Variants in STK32B observed in about 807,000 individuals in gnomAD.
The protein encoded by STK32B is serine/threonine kinase 32B.
STK32B carries 43 observed loss-of-function variants against 52.6 expected under a neutral mutation model. The ratio of observed to expected loss-of-function variants is 0.82; its 90% CI spans 0.64 to 1.05. The LOEUF (loss-of-function observed/expected upper bound fraction) is 1.05, where lower values mean the gene tolerates loss of function less well. STK32B is among the 50% of genes least tolerant of loss of function. The pLI, the probability that STK32B is intolerant of heterozygous loss-of-function variation, is 0.00. For synonymous variants in STK32B, 238 were observed against 204.3 expected (o/e 1.17, Z -1.41); for missense variants, 621 against 534.6 (o/e 1.16, Z -1.59).
chr4:5,044,934 A>G, the STK32B span, among the ~76,000 whole-genome samples: 2 of 152,102 alleles, frequency 1.3e-5, no homozygotes, highest in African/African-American at 4.8e-5. Context: ...CCAAAAAACC[A>G]AAAGCCCAAA....
intron 1 of STK32B, among the ~76,000 whole-genome samples, chr4:5,066,527 A>G (rs551416364): frequency 6.6e-6 from 1 of 152,322 alleles, no homozygotes; most frequent in South Asian, 2.1e-4. Flanking sequence ...ATAACCTGTA[A>G]TACATCCTTC....
chr4:5,185,534 A>C (rs1720677593), intron 3 of STK32B, among the ~76,000 whole-genome samples: 1 of 152,240 alleles, frequency 6.6e-6, no homozygotes, highest in Admixed American at 6.5e-5. Context: ...AGTGGAGGGC[A>C]GGGAAAGGGA....
intron 3 of STK32B, among the ~76,000 whole-genome samples, chr4:5,246,742 C>G (rs56847768): frequency 6.6e-6 from 1 of 152,042 alleles, no homozygotes; most frequent in African/African-American, 2.4e-5. Flanking sequence ...GACATACATA[C>G]GGGTTTTTGG....
intron 3 of STK32B, among the ~76,000 whole-genome samples, chr4:5,326,041 C>T (rs1361672407): frequency 6.6e-6 from 1 of 152,140 alleles, no homozygotes; most frequent in Non-Finnish European, 1.5e-5. Context: ...AAATATTGTT[C>T]TCTTAGCATT....
At chr4:5,170,019 A>G (rs994846732) in intron 3 of STK32B, among the ~76,000 whole-genome samples, 3 of 152,214 alleles carry the variant, frequency 2.0e-5, no homozygotes, top group Non-Finnish European at 4.4e-5. Context: ...TGTTACTGCA[A>G]ACTCTTTGTA....
At chr4:5,410,971 C>T (rs772903615) in intron 5 of STK32B, among the ~76,000 whole-genome samples, 26 of 151,814 alleles carry the variant, frequency 1.7e-4, no homozygotes, top group East Asian at 3.9e-4. Flanking sequence ...AAGATCAAAA[C>T]GGTGAATGCA....
At chr4:5,065,048 G>T (rs1400635220) in intron 1 of STK32B, among the ~76,000 whole-genome samples, 1 of 151,654 alleles carries the variant, frequency 6.6e-6, no homozygotes, top group Non-Finnish European at 1.5e-5. Context: ...TTGCAACGAA[G>T]CCTGGAGTTC....
chr4:5,250,435 C>T (rs1157959140), intron 3 of STK32B, among the ~76,000 whole-genome samples: 6 of 151,496 alleles, frequency 4.0e-5, no homozygotes, highest in Admixed American at 1.3e-4. Context: ...ACCTCAGCCT[C>T]CTGAGTAGCT....
At chr4:5,419,432 C>G (rs562855272) in intron 6 of STK32B, among the ~76,000 whole-genome samples, 1 of 152,238 alleles carries the variant, frequency 6.6e-6, no homozygotes, top group African/African-American at 2.4e-5. Flanking sequence ...GGATTATAGA[C>G]TTTTGATGTC....
chr4:5,403,608 G>A lies in STK32B; in HGVS notation c.472+5364G>A, dbSNP rs138727512. Among the ~76,000 whole-genome samples the A allele has an allele frequency of 6.3e-3, 964 of 152,222 alleles. 14 individuals are homozygous for A. Among genetic ancestry groups the A allele is most frequent in the African/African-American group, 0.022 (911 of 41,526 alleles). ...TTTATAACACTCATTAACTGAACTC[G>A]TTTCAAAGAATTGCCTTTCCATCTG... On this transcript the variant is annotated intron_variant, in intron 5 of 11. Coordinates refer to ENST00000282908, the MANE Select transcript of STK32B (RefSeq NM_018401.3).
At chr4:5,135,711 T>C (rs1408905468) in intron 1 of STK32B, among the ~76,000 whole-genome samples, 2 of 152,214 alleles carry the variant, frequency 1.3e-5, no homozygotes, top group Non-Finnish European at 2.9e-5. Flanking sequence ...AGATGGTTGT[T>C]GCAGCTCCAG....
At chr4:5,253,468 A>G (rs1225738700) in intron 3 of STK32B, among the ~76,000 whole-genome samples, 1 of 152,088 alleles carries the variant, frequency 6.6e-6, no homozygotes, top group East Asian at 1.9e-4. Context: ...TCCTTCTCCC[A>G]GGCTCAAGCG....
At position 5,314,895 on chromosome 4, in the gene STK32B, G is replaced by T. The variant is rs190049928; in HGVS notation, c.261-16325G>T. The stretch of plus-strand genomic sequence containing the variant: ...TAAAAATATAACATTGATAGAAAAA[G>T]AGAAGAATGAAGAGCTAAGTGAAGA... On this transcript the variant is annotated intron_variant, in intron 3 of 11. Transcript: ENST00000282908. Among the ~76,000 whole-genome samples the T allele has an allele frequency of 1.3e-5, 2 of 152,014 alleles. 1 individual carries two copies. The highest frequency in any genetic ancestry group is 2.9e-5 in the Non-Finnish European group (2 of 67,990).
At chr4:5,347,405 A>T (rs6832599) in intron 4 of STK32B, among the ~76,000 whole-genome samples, 5,026 of 152,342 alleles carry the variant, frequency 0.033, 144 homozygotes, top group African/African-American at 0.076. Flanking sequence ...AGAACCTGGG[A>T]ATATGCTGTG....
intron 1 of STK32B, among the ~76,000 whole-genome samples, chr4:5,134,497 AGCC>A (rs1715955388): frequency 1.3e-5 from 2 of 152,190 alleles, no homozygotes; most frequent in Admixed American, 6.5e-5. Flanking sequence ...TGGACTTCTT[AGCC>A]TCCAGAACTG....
At chr4:5,293,981 G>T (rs1274566599) in intron 3 of STK32B, among the ~76,000 whole-genome samples, 1 of 151,990 alleles carries the variant, frequency 6.6e-6, no homozygotes, top group African/African-American at 2.4e-5. Flanking sequence ...GTAAGGAAGG[G>T]GTCCAGTTTC....
intron 4 of STK32B, among the ~76,000 whole-genome samples, chr4:5,347,316 G>A (rs1157723219): frequency 3.9e-5 from 6 of 152,086 alleles, no homozygotes; most frequent in African/African-American, 1.2e-4. Flanking sequence ...TGAAGCTTTG[G>A]TTTATTTTCT....
intron 3 of STK32B, among the ~76,000 whole-genome samples, chr4:5,186,178 GCCTCA>G (rs1720721662): frequency 6.6e-6 from 1 of 152,132 alleles, no homozygotes; most frequent in African/African-American, 2.4e-5. Flanking sequence ...CATAGTCCAG[GCCTCA>G]CCTCCTCCAT....
intron 4 of STK32B, among the ~76,000 whole-genome samples, chr4:5,372,387 G>T (rs1352975584): frequency 6.6e-6 from 1 of 152,142 alleles, no homozygotes; most frequent in African/African-American, 2.4e-5. Flanking sequence ...TACCGAAAAT[G>T]CCATGATGGT....
Sources: allele counts gnomAD v4.1 joint callset (sites outside exome capture counted in the v4.1 genomes callset), GRCh38; gene constraint gnomAD v4.1.1; transcripts MANE v1.5; gene names NCBI Gene and HGNC (gene_info 2026-07-23, HGNC 2026-07-21).